WWOX: variants seen among roughly 807,000 people sequenced by gnomAD.
The protein encoded by WWOX is WW domain-containing oxidoreductase.
WWOX carries 69 observed loss-of-function variants against 46.2 expected under a neutral mutation model. That is an observed-to-expected ratio of 1.49 (90% confidence interval 1.23 to 1.82). The LOEUF is 1.82. WWOX is among the 40% of genes most tolerant of loss of function. The pLI is 0.00. For missense variants in WWOX, 919 were observed against 542.6 expected (o/e 1.69, Z -6.89); for synonymous variants, 359 against 202.6 (o/e 1.77, Z -6.56).
chr16:78,856,544 G>A (rs972528859), intron 8 of WWOX, among the ~76,000 whole-genome samples: 4 of 152,122 alleles, frequency 2.6e-5, no homozygotes, highest in East Asian at 1.9e-4. Context: ...TCAGGAGTCT[G>A]AGGCAGGAGA....
chr16:78,841,009 T>C (rs1001123091), intron 8 of WWOX, among the ~76,000 whole-genome samples: 7 of 152,044 alleles, frequency 4.6e-5, no homozygotes, highest in African/African-American at 1.7e-4. Flanking sequence ...GGTCCACGGG[T>C]CCATCCTGTG....
chr16:78,151,504 C>A (rs531096029), intron 4 of WWOX, among the ~76,000 whole-genome samples: 1 of 152,070 alleles, frequency 6.6e-6, no homozygotes. Context: ...GGCGTGGTAC[C>A]CAGCCAAGAG....
chr16:78,470,744 G>T (rs1038696943), intron 8 of WWOX, among the ~76,000 whole-genome samples: 4 of 152,078 alleles, frequency 2.6e-5, no homozygotes, highest in African/African-American at 9.7e-5. Context: ...GGCCAGGCTG[G>T]TCTTGAACTC....
At chr16:78,726,267 C>A (rs1430708194) in intron 8 of WWOX, among the ~76,000 whole-genome samples, 1 of 151,024 alleles carries the variant, frequency 6.6e-6, no homozygotes, top group Non-Finnish European at 1.5e-5. Flanking sequence ...CTCTGTCACC[C>A]AGGTTACAGT....
intron 8 of WWOX, chr16:79,077,460 A>T (rs2048679200): frequency 6.6e-6 from 1 of 152,160 alleles, no homozygotes; most frequent in Admixed American, 6.5e-5. Context: ...AGGAGCTGAA[A>T]ATGGCCTTTT....
At chr16:78,273,122 T>G (rs746283689) in intron 5 of WWOX, among the ~76,000 whole-genome samples, 5 of 152,212 alleles carry the variant, frequency 3.3e-5, no homozygotes, top group Non-Finnish European at 5.9e-5. Flanking sequence ...TTTTAGCTGT[T>G]TCTTCACCTC....
intron 8 of WWOX, among the ~76,000 whole-genome samples, chr16:78,581,275 G>T (rs1238601154): frequency 6.6e-6 from 1 of 152,144 alleles, no homozygotes; most frequent in Non-Finnish European, 1.5e-5. Context: ...TTGAGCATGT[G>T]GCTATTGTAT....
intron 8 of WWOX, among the ~76,000 whole-genome samples, chr16:78,981,304 G>A (rs752647441): frequency 2.3e-4 from 35 of 152,076 alleles, no homozygotes; most frequent in Middle Eastern, 3.4e-3. Context: ...ATCTTTACGG[G>A]AATAACCAAA....
intron 8 of WWOX, among the ~76,000 whole-genome samples, chr16:78,697,781 A>G (rs1402286618): frequency 1.3e-5 from 2 of 152,098 alleles, no homozygotes; most frequent in African/African-American, 2.4e-5. Flanking sequence ...GGTATTTTCA[A>G]CTCGGTATAG....
intron 8 of WWOX, chr16:78,895,429 C>G (rs983613197): frequency 1.3e-5 from 2 of 152,242 alleles, no homozygotes; most frequent in Non-Finnish European, 2.9e-5. Context: ...CATCATGCTT[C>G]TTTCTGTTCT....
chr16:78,514,393 T>G (rs1393055694), intron 8 of WWOX, among the ~76,000 whole-genome samples: 2 of 152,230 alleles, frequency 1.3e-5, no homozygotes, highest in Non-Finnish European at 2.9e-5. Context: ...ATTTTTCTCC[T>G]TGGCAGGTTT....
intron 8 of WWOX, among the ~76,000 whole-genome samples, chr16:78,785,794 A>G (rs887870204): frequency 3.3e-5 from 5 of 151,874 alleles, no homozygotes; most frequent in Non-Finnish European, 5.9e-5. Flanking sequence ...TCTTTGCTGA[A>G]TTGGATAATG....
intron 8 of WWOX, among the ~76,000 whole-genome samples, chr16:79,102,149 A>T (rs1035886739): frequency 6.6e-6 from 1 of 151,862 alleles, no homozygotes; most frequent in African/African-American, 2.4e-5. Flanking sequence ...TGGAGTGCTT[A>T]TAGTTTTTGA....
At chr16:78,953,580 A>T (rs900015073) in intron 8 of WWOX, among the ~76,000 whole-genome samples, 3 of 152,130 alleles carry the variant, frequency 2.0e-5, no homozygotes, top group African/African-American at 7.2e-5. Context: ...GACGGCAGAG[A>T]GTGTGTCCCC....
At chr16:78,634,553 A>G (rs1333424393) in intron 8 of WWOX, among the ~76,000 whole-genome samples, 1 of 151,968 alleles carries the variant, frequency 6.6e-6, no homozygotes, top group African/African-American at 2.4e-5. Flanking sequence ...TAAAAATACA[A>G]AAATTAGCTG....
chr16:79,038,064 C>T (rs940809021), intron 8 of WWOX, among the ~76,000 whole-genome samples: 2 of 152,180 alleles, frequency 1.3e-5, no homozygotes, highest in African/African-American at 4.8e-5. Flanking sequence ...ATTCTCTCGG[C>T]TTCCCTCCTC....
intron 7 of WWOX, among the ~76,000 whole-genome samples, chr16:78,430,112 G>A (rs1484796528): frequency 2.0e-5 from 3 of 152,136 alleles, no homozygotes; most frequent in Non-Finnish European, 4.4e-5. Context: ...CAATCATGGC[G>A]GAAGATGAAG....
intron 8 of WWOX, among the ~76,000 whole-genome samples, chr16:78,541,710 A>C (rs1426764002): frequency 6.6e-6 from 1 of 151,914 alleles, no homozygotes; most frequent in Non-Finnish European, 1.5e-5. Context: ...GTTCCCCTCC[A>C]GGTCCTTATC....
At chr16:78,131,620 C>T (rs190279075) in intron 4 of WWOX, among the ~76,000 whole-genome samples, 84 of 151,746 alleles carry the variant, frequency 5.5e-4, no homozygotes, top group Non-Finnish European at 7.2e-4. Flanking sequence ...CTCACTCTGT[C>T]GCCCAGGATG....
Sources: allele counts gnomAD v4.1 joint callset (sites outside exome capture counted in the v4.1 genomes callset), GRCh38; gene constraint gnomAD v4.1.1; transcripts MANE v1.5; gene names NCBI Gene and HGNC (gene_info 2026-07-23, HGNC 2026-07-21).